The following STK32A variants were observed in gnomAD, a reference collection of about 807,000 sequenced individuals.
STK32A encodes the protein serine/threonine-protein kinase 32A.
A neutral mutation model predicts 53.2 loss-of-function variants in STK32A; 41 were observed. The ratio of observed to expected loss-of-function variants is 0.77; its 90% confidence interval spans 0.60 to 1.00. The LOEUF (loss-of-function observed/expected upper bound fraction) is 1.00, where lower values mean the gene tolerates loss of function less well. STK32A is among the 50% of genes least tolerant of loss of function. STK32A has a pLI of 0.00. For synonymous variants in STK32A, 166 were observed against 162.8 expected (o/e 1.02, Z -0.15); for missense variants, 458 against 485.8 (o/e 0.94, Z 0.54).
rs373464362 is a variant in STK32A, at chr5:147,279,638, G to C, written c.260+240G>C. On this transcript the variant is annotated intron_variant, in intron 4 of 12. Coordinates refer to ENST00000397936, the MANE Select transcript of STK32A (RefSeq NM_001112724.2). ...GAACTCCAGCGAATGTCATGTAAGGGGGGGTTTGAGGCTGCTGCCATAATG... is the reference window on the plus strand; with the variant it reads ...GAACTCCAGCGAATGTCATGTAAGGCGGGGTTTGAGGCTGCTGCCATAATG... Among the ~76,000 whole-genome samples the C allele has an allele frequency of 3.9e-5, 6 of 152,202 alleles. No homozygotes were observed. In the East Asian group the frequency reaches 9.6e-4, roughly 24 times the overall value.
chr5:147,375,875 T>C (rs1208892085), intron 11 of STK32A: 1 of 152,214 alleles, frequency 6.6e-6, no homozygotes, highest in African/African-American at 2.4e-5. Flanking sequence ...TGTGGCTCTA[T>C]GAATTATAAT....
chr5:147,329,744 T>A (rs1754772988), intron 5 of STK32A, among the ~76,000 whole-genome samples: 1 of 152,210 alleles, frequency 6.6e-6, no homozygotes, highest in Non-Finnish European at 1.5e-5. Flanking sequence ...TATAAAAAGC[T>A]GTCTCCCCTC....
intron 2 of STK32A, among the ~76,000 whole-genome samples, chr5:147,240,838 T>C (rs567330070): frequency 6.6e-6 from 1 of 152,340 alleles, no homozygotes; most frequent in East Asian, 1.9e-4. Flanking sequence ...ACTACTTGCC[T>C]TTTTCCCTCT....
intron 4 of STK32A, among the ~76,000 whole-genome samples, chr5:147,319,983 A>T (rs1754223030): frequency 6.6e-6 from 1 of 152,178 alleles, no homozygotes; most frequent in Non-Finnish European, 1.5e-5. Flanking sequence ...AACGAGAAAT[A>T]ATGTTTTTCA....
intron 4 of STK32A, among the ~76,000 whole-genome samples, chr5:147,317,822 TAA>T (rs890976476): frequency 1.3e-5 from 2 of 151,948 alleles, no homozygotes; most frequent in African/African-American, 4.8e-5. Context: ...TCAGAAAAAA[TAA>T]AAAAGATTGA....
intron 5 of STK32A, among the ~76,000 whole-genome samples, chr5:147,329,409 A>G (rs1754754003): frequency 6.6e-6 from 1 of 152,260 alleles, no homozygotes; most frequent in Non-Finnish European, 1.5e-5. Context: ...TATTTATTCA[A>G]AAATTATTTA....
intron 5 of STK32A, among the ~76,000 whole-genome samples, chr5:147,328,172 G>T (rs375123107): frequency 1.3e-5 from 2 of 152,306 alleles, no homozygotes; most frequent in South Asian, 2.1e-4. Flanking sequence ...AGCAAGTCTA[G>T]CCTAGCAAGA....
intron 1 of STK32A, among the ~76,000 whole-genome samples, chr5:147,238,790 AAG>A (rs1270509421): frequency 2.1e-5 from 3 of 143,568 alleles, no homozygotes; most frequent in Non-Finnish European, 3.1e-5. Context: ...TCAATATATA[AAG>A]AGTTATATAA....
At chr5:147,317,017 C>T (rs111930083) in intron 4 of STK32A, among the ~76,000 whole-genome samples, 1 of 151,858 alleles carries the variant, frequency 6.6e-6, no homozygotes, top group Non-Finnish European at 1.5e-5. Flanking sequence ...AATATCACAA[C>T]CCCTAAGGAA....
chr5:147,308,138 T>TTATATATA (rs3995475), intron 4 of STK32A, among the ~76,000 whole-genome samples: 3 of 148,348 alleles, frequency 2.0e-5, no homozygotes, highest in African/African-American at 5.0e-5. Context: ...TTCATACATT[T>TTATATATA]TATATATATA....
At chr5:147,333,125 A>G (rs1426882791) in intron 5 of STK32A, among the ~76,000 whole-genome samples, 1 of 152,224 alleles carries the variant, frequency 6.6e-6, no homozygotes, top group Non-Finnish European at 1.5e-5. Flanking sequence ...CATTTAACAC[A>G]TAATATTGAT....
chr5:147,313,224 G>A (rs762705816), intron 4 of STK32A, among the ~76,000 whole-genome samples: 9 of 152,044 alleles, frequency 5.9e-5, no homozygotes, highest in Non-Finnish European at 1.0e-4. Context: ...TACAGAGAGA[G>A]ACTCCGTCTT....
chr5:147,322,753 T>C (rs999230360), intron 4 of STK32A, among the ~76,000 whole-genome samples: 1 of 152,204 alleles, frequency 6.6e-6, no homozygotes, highest in African/African-American at 2.4e-5. Context: ...TAGGAATGCA[T>C]AGTTACAAGC....
At chr5:147,296,736 A>C (rs147835538) in intron 4 of STK32A, among the ~76,000 whole-genome samples, 1 of 152,100 alleles carries the variant, frequency 6.6e-6, no homozygotes, top group Non-Finnish European at 1.5e-5. Context: ...TGAGAGAGAC[A>C]GTTTAACAAC....
intron 4 of STK32A, among the ~76,000 whole-genome samples, chr5:147,314,512 AAAAAC>A (rs1298803733): frequency 1.1e-4 from 1 of 9,360 alleles, no homozygotes; most frequent in Non-Finnish European, 2.9e-4. Context: ...AAAAACAAAA[AAAAAC>A]AAAAAAAAAC....
At chr5:147,401,900 A>C in the STK32A span, 1 of 488,726 alleles carries the variant, frequency 2.0e-6, no homozygotes, top group Non-Finnish European at 3.4e-6. Flanking sequence ...CTAGATTAAA[A>C]GAAGCCATTG....
At chr5:147,397,361 C>T in the STK32A span, among the ~76,000 whole-genome samples, 1 of 151,768 alleles carries the variant, frequency 6.6e-6, no homozygotes, top group Non-Finnish European at 1.5e-5. Flanking sequence ...CTTGAAGAGT[C>T]ATTTATTTTT....
intron 2 of STK32A, among the ~76,000 whole-genome samples, chr5:147,277,749 C>A (rs1266496393): frequency 1.3e-5 from 2 of 152,152 alleles, no homozygotes; most frequent in African/African-American, 2.4e-5. Flanking sequence ...ATGTCAAATT[C>A]TCTGTGATAT....
intron 2 of STK32A, among the ~76,000 whole-genome samples, chr5:147,268,845 G>C (rs985001235): frequency 1.4e-4 from 21 of 152,214 alleles, no homozygotes; most frequent in Non-Finnish European, 2.8e-4. Context: ...TGAGTTGTGA[G>C]AGAGGGTCTG....
Sources: gnomAD v4.1 joint callset for allele counts (sites outside exome capture counted in the v4.1 genomes callset) on GRCh38, gnomAD v4.1.1 for gene constraint, MANE v1.5 for transcripts, NCBI Gene and HGNC (gene_info 2026-07-23, HGNC 2026-07-21) for gene names.